Variants in LRP1B observed in about 807,000 individuals in gnomAD.
LRP1B encodes the protein low-density lipoprotein receptor-related protein 1B.
LRP1B carries 217 observed loss-of-function variants against 556.6 expected under a neutral mutation model. The observed-to-expected ratio is 0.39, with a 90% CI of 0.35 to 0.44. LRP1B has a LOEUF of 0.44. Among genes scored for constraint, LRP1B ranks in the 20% least tolerant of loss-of-function variants. The pLI is 1.00. For synonymous variants in LRP1B, 2,047 were observed against 1,865.8 expected, an observed-to-expected ratio of 1.10 and a Z score of -2.50; for missense variants, 5,053 against 5,620.8, an observed-to-expected ratio of 0.90 and a Z score of 3.23.
At chr2:140,428,282 T>C (rs1685752572) in intron 66 of LRP1B, among the ~76,000 whole-genome samples, 1 of 152,086 alleles carries the variant, frequency 6.6e-6, no homozygotes, top group Non-Finnish European at 1.5e-5. Flanking sequence ...TAGCAACATA[T>C]TTCTGAGTTG....
At chr2:141,073,756 G>T (rs575478420) in intron 7 of LRP1B, among the ~76,000 whole-genome samples, 1 of 152,092 alleles carries the variant, frequency 6.6e-6, no homozygotes, top group African/African-American at 2.4e-5. Flanking sequence ...TTCCAGAAAC[G>T]AAGGCATTCA....
At chr2:140,891,979 G>A (rs1015374953) in intron 23 of LRP1B, among the ~76,000 whole-genome samples, 7 of 151,682 alleles carry the variant, frequency 4.6e-5, no homozygotes, top group Non-Finnish European at 1.0e-4. Context: ...CTCCTTTGGG[G>A]TGTGTGTGTG....
chr2:141,077,415 GATT>G (rs1699815612), intron 7 of LRP1B, among the ~76,000 whole-genome samples: 1 of 152,138 alleles, frequency 6.6e-6, no homozygotes, highest in South Asian at 2.1e-4. Flanking sequence ...AAAGGTCTTA[GATT>G]ATTGTTTGCT....
At chr2:140,493,579 AT>A (rs1688792830) in intron 56 of LRP1B, among the ~76,000 whole-genome samples, 1 of 118,782 alleles carries the variant, frequency 8.4e-6, no homozygotes, top group Non-Finnish European at 1.8e-5. Flanking sequence ...GCATTTTAAC[AT>A]CTTTTTTTTA....
At position 140,245,535 on chromosome 2, in the gene LRP1B, T is replaced by A. The variant is rs79156292; in HGVS notation, c.13324+1551A>T. ...CTACCATTAAAAAGGCTAAAATATCTTTTTAATTCCTAATTTATAAATGGA... is the reference window on the plus strand; with the variant it reads ...CTACCATTAAAAAGGCTAAAATATCATTTTAATTCCTAATTTATAAATGGA... On this transcript the variant is annotated intron_variant, in intron 87 of 90. Transcript: ENST00000389484. Among the ~76,000 whole-genome samples the A allele has an allele frequency of 7.2e-3, 1,097 of 151,522 alleles. 56 individuals are homozygous for A. The East Asian group carries it at 0.13, about 18-fold the overall frequency.
At chr2:141,032,018 T>C (rs923839118) in intron 11 of LRP1B, among the ~76,000 whole-genome samples, 1 of 152,184 alleles carries the variant, frequency 6.6e-6, no homozygotes, top group Middle Eastern at 3.4e-3. Context: ...TATATCATGT[T>C]GTACAAATTT....
chr2:141,779,614 G>T (rs191635321), intron 2 of LRP1B, among the ~76,000 whole-genome samples: 1 of 151,540 alleles, frequency 6.6e-6, no homozygotes, highest in African/African-American at 2.4e-5. Context: ...ATGGGGTTTC[G>T]CCTCTTTTAA....
chr2:140,777,915 A>AG (rs1689554030), intron 32 of LRP1B, among the ~76,000 whole-genome samples: 1 of 118,102 alleles, frequency 8.5e-6, no homozygotes, highest in Admixed American at 8.2e-5. Flanking sequence ...AGAAAATGGT[A>AG]GGAAAAAAGT....
At chr2:142,097,079 C>T (rs1311182902) in intron 1 of LRP1B, among the ~76,000 whole-genome samples, 1 of 150,264 alleles carries the variant, frequency 6.7e-6, no homozygotes, top group Non-Finnish European at 1.5e-5. Context: ...CCCGGTTTAC[C>T]AACAGTCCTG....
chr2:140,877,022 T>C (rs548309767), intron 25 of LRP1B, among the ~76,000 whole-genome samples: 14 of 152,302 alleles, frequency 9.2e-5, no homozygotes, highest in African/African-American at 3.1e-4. Flanking sequence ...TATTTTTTCT[T>C]GGTTACAAGT....
At chr2:141,587,335 A>C (rs1373290893) in intron 2 of LRP1B, among the ~76,000 whole-genome samples, 2 of 152,224 alleles carry the variant, frequency 1.3e-5, no homozygotes, top group Non-Finnish European at 2.9e-5. Flanking sequence ...TATAGTTGAA[A>C]AAGCACTTGC....
chr2:141,193,806 G>A (rs1438867585), intron 6 of LRP1B, among the ~76,000 whole-genome samples: 1 of 151,624 alleles, frequency 6.6e-6, no homozygotes, highest in African/African-American at 2.4e-5. Context: ...AGGAATTGTT[G>A]TTTGTCTTTT....
At chr2:140,720,906 G>T (rs1687377571) in intron 35 of LRP1B, among the ~76,000 whole-genome samples, 1 of 152,018 alleles carries the variant, frequency 6.6e-6, no homozygotes, top group Non-Finnish European at 1.5e-5. Flanking sequence ...CAGCACACTA[G>T]GAAGATATAA....
intron 2 of LRP1B, among the ~76,000 whole-genome samples, chr2:141,617,663 C>T (rs528911649): frequency 1.3e-5 from 2 of 152,098 alleles, no homozygotes; most frequent in Non-Finnish European, 2.9e-5. Context: ...GTGTTCAAAG[C>T]AAATCTTTCT....
intron 7 of LRP1B, among the ~76,000 whole-genome samples, chr2:141,136,776 T>C (rs551422149): frequency 7.0e-4 from 106 of 151,944 alleles, no homozygotes; most frequent in African/African-American, 2.5e-3. Flanking sequence ...GAAAGATATA[T>C]GGGTTGAAGC....
intron 7 of LRP1B, among the ~76,000 whole-genome samples, chr2:141,135,587 T>C (rs144158860): frequency 3.3e-5 from 5 of 152,108 alleles, no homozygotes; most frequent in Admixed American, 1.3e-4. Flanking sequence ...AGTTTCCTCA[T>C]TGAGCGATCT....
At chr2:140,777,925 T>TA (rs1263086190) in intron 32 of LRP1B, among the ~76,000 whole-genome samples, 2 of 149,154 alleles carry the variant, frequency 1.3e-5, no homozygotes, top group South Asian at 2.1e-4. Context: ...AGGAAAAAAG[T>TA]AAAAAAAAGA....
intron 43 of LRP1B, among the ~76,000 whole-genome samples, chr2:140,563,871 G>T (rs6714135): frequency 0.36 from 54,763 of 152,006 alleles, 10,814 homozygotes; most frequent in South Asian, 0.49. Flanking sequence ...GTGAGAAGAT[G>T]AATGGATTGA....
At chr2:141,282,513 GTATATC>G (rs1367907497) in intron 3 of LRP1B, among the ~76,000 whole-genome samples, 31 of 148,582 alleles carry the variant, frequency 2.1e-4, no homozygotes, top group African/African-American at 7.4e-4. Context: ...ATATGTATAT[GTATATC>G]TATATAGGTT....
Sources: allele counts gnomAD v4.1 joint callset (sites outside exome capture counted in the v4.1 genomes callset), GRCh38; gene constraint gnomAD v4.1.1; transcripts MANE v1.5; gene names NCBI Gene and HGNC (gene_info 2026-07-23, HGNC 2026-07-21).